SCN4A: variants seen among roughly 807,000 people sequenced by gnomAD.
SCN4A encodes the protein sodium voltage-gated channel alpha subunit 4, also known as sodium channel protein type 4 subunit alpha.
Under a neutral mutation model 162.0 loss-of-function variants are expected in SCN4A, and 83 were observed. The observed-to-expected ratio is 0.51, with a 90% CI of 0.43 to 0.61. The LOEUF (loss-of-function observed/expected upper bound fraction) is 0.61. SCN4A is among the 20% of genes least tolerant of loss of function. The pLI, the probability that SCN4A is intolerant of heterozygous loss-of-function variation, is 0.00. For synonymous variants in SCN4A, 944 were observed against 985.1 expected (o/e 0.96, Z 0.78); for missense variants, 2,196 against 2,462.5 (o/e 0.89, Z 2.29).
At chr17:63,968,482 T>C (rs902637311) in intron 5 of SCN4A, 127 bp from the exon 6 acceptor site, 15 of 700,506 alleles carry the variant, frequency 2.1e-5, no homozygotes, top group Non-Finnish European at 3.1e-5. Flanking sequence ...GCACCACTAC[T>C]TCCCCGAAGC....
At position 63,966,171 on chromosome 17, in the gene SCN4A, G is replaced by T; in HGVS notation, c.1173C>A (p.Thr391=). 1 of 1,596,928 alleles carries T rather than the reference G, an allele frequency of 6.3e-7. No homozygotes were observed. Among genetic ancestry groups the T allele is most frequent in the Non-Finnish European group, 8.5e-7 (1 of 1,171,794 alleles). ...NPNYGYTSYD[T]FSWAFLALFR... ...AGAGAGCCAAGAAGGCCCAGCTGAA[G>T]GTGTCATAGCTGGTGTAGCCATAGT... Residue 391 remains threonine, a synonymous_variant, in exon 8 of 24, where the codon ACC becomes ACA. Transcript: ENST00000435607.
chr17:63,949,016 C>T (rs1488821750), intron 15 of SCN4A, among the ~76,000 whole-genome samples: 1 of 152,196 alleles, frequency 6.6e-6, no homozygotes, highest in Admixed American at 6.5e-5. Context: ...GCCTCCTGGC[C>T]CCCAGCCCCA....
At chr17:63,955,495 G>A (rs988082364) in intron 13 of SCN4A, among the ~76,000 whole-genome samples, 3 of 152,152 alleles carry the variant, frequency 2.0e-5, no homozygotes, top group Non-Finnish European at 2.9e-5. Context: ...TTTCATCCCC[G>A]TTTTCCAGAT....
intron 12 of SCN4A, 38 bp downstream of exon 12, chr17:63,959,227 C>A: frequency 6.3e-7 from 1 of 1,579,392 alleles, no homozygotes; most frequent in Non-Finnish European, 8.6e-7. Flanking sequence ...CCTCACCCCA[C>A]CCCCATCCCA....
rs199651516 is a variant in SCN4A, at chr17:63,957,338, C to T, written c.2200G>A (p.Ala734Thr). The T allele has an allele frequency of 6.2e-7, 1 of 1,614,118 alleles. No individual in the cohort carries two copies. Among genetic ancestry groups the T allele is most frequent in the African/African-American group, 1.3e-5 (1 of 75,056 alleles). The change falls in exon 13 of 24, where the codon GCC (alanine) becomes ACC (threonine). Residue 734 changes from alanine to threonine, a missense_variant. Ala to Thr is a moderately conservative substitution (Grantham distance 58). Coordinates refer to ENST00000435607, the MANE Select transcript of SCN4A (RefSeq NM_000334.4). ...CAGCGCGGCAGGTTGCAGTCCAAGGCAATCTTGCACACGCACTCCTTGTAG... is the reference window on the plus strand; with the variant it reads ...CAGCGCGGCAGGTTGCAGTCCAAGGTAATCTTGCACACGCACTCCTTGTAG... The part of the protein sequence containing the change: ...KSYKECVCKI[A>T]LDCNLPRWHM...
chr17:63,941,613 G>C lies in SCN4A; in HGVS notation c.4669C>G (p.Leu1557Val). 6.2e-7 allele frequency: 1 copy of C among 1,614,092 alleles called. No homozygotes were observed. The highest frequency in any genetic ancestry group is 8.5e-7 in the Non-Finnish European group (1 of 1,179,982). The change falls in exon 24 of 24, where the codon CTG (leucine) becomes GTG (valine). Residue 1557 changes from leucine (L) to valine (V), a missense_variant. Leu to Val is a conservative substitution (Grantham distance 32). Coordinates refer to ENST00000435607, the MANE Select transcript of SCN4A (RefSeq NM_000334.4). The surrounding 1 kb of genome is among the most constrained non-coding windows in gnomAD (Gnocchi z 6.2). ...NSGPPDCDPN[L>V]ENPGTSVKGD... ...TTGACACTGGTGCCCGGGTTCTCCA[G>C]GTTGGGGTCACAGTCTGGGGGCCCG...
At position 63,945,718 on chromosome 17, in the gene SCN4A, C is replaced by G. The variant is rs886346146; in HGVS notation, c.3442-80G>C. ...CCACATCTCTACGCCACCCAGGGGACCAGGCAGAGCTGGGCATTGTCAATT... is the reference window on the plus strand; with the variant it reads ...CCACATCTCTACGCCACCCAGGGGAGCAGGCAGAGCTGGGCATTGTCAATT... On this transcript the variant is annotated intron_variant, in intron 18 of 23. Coordinates refer to ENST00000435607, the MANE Select transcript of SCN4A (RefSeq NM_000334.4). The surrounding 1 kb of genome is among the most constrained non-coding windows in gnomAD (Gnocchi z 4.4). 4 of 1,503,308 alleles carry G rather than the reference C, an allele frequency of 2.7e-6. No homozygotes were observed. The highest frequency in any genetic ancestry group is 3.7e-6 in the Non-Finnish European group (4 of 1,089,866). 93.1% of individuals were successfully genotyped at this position (1,503,308 alleles called of 1,614,324 possible). A position where few individuals can be genotyped will look rare whatever the true frequency, so the allele number is the denominator to read the frequency against.
Position 63,943,044 on chromosome 17 carries a change from A to T in SCN4A, c.4070T>A (p.Ile1357Asn). ...YDLVTKQAFDITIMILICLNM... is the reference protein window; with the variant it reads ...YDLVTKQAFDNTIMILICLNM... ...GAGGCAGATGAGGATCATGATGGTG[A>T]TGTCGAAGGCCTGCTTCGTCACGAG... Residue 1357 changes from isoleucine to asparagine, a missense_variant, in exon 23 of 24, where the codon ATC becomes AAC. By Grantham distance (149) the Ile-to-Asn change is moderately radical. Coordinates refer to ENST00000435607, the MANE Select transcript of SCN4A (RefSeq NM_000334.4). 1 of 1,613,858 alleles carries T rather than the reference A, an allele frequency of 6.2e-7. No individual in the cohort carries two copies. Among genetic ancestry groups the T allele is most frequent in the Non-Finnish European group, 8.5e-7 (1 of 1,179,808 alleles).
chr17:63,951,863 A>T lies in SCN4A; in HGVS notation c.2414T>A (p.Phe805Tyr). Residue 805 changes from phenylalanine (F) to tyrosine (Y), a missense_variant, in exon 14 of 24, where the codon TTC becomes TAC. Transcript: ENST00000435607. This position sits in a 1 kb window ranked among gnomAD's most constrained non-coding sequence, Gnocchi z 4.5. ...CGAGGCTGCCAGACTGTCGGCGCTG[A>T]AGGAGCTCAGCAGCAGAGCCAGGAA... ...NLFLALLLSS[F>Y]SADSLAASDE... The T allele has an allele frequency of 6.4e-7, 1 of 1,554,270 alleles. No homozygotes were observed.
chr17:63,961,444 T>C lies in SCN4A; in HGVS notation c.1607-13A>G. 4 of 1,585,262 alleles carry C rather than the reference T, an allele frequency of 2.5e-6. No homozygotes were observed. Among genetic ancestry groups the C allele is most frequent in the Non-Finnish European group, 3.5e-6 (4 of 1,154,292 alleles). ...GCCTCTTCCAGTTCTGGGAGAGGGG[T>C]GGTAGCAGGTATCTGGTGAGGATTA... On this transcript the variant is annotated splice_polypyrimidine_tract_variant and intron_variant, in intron 10 of 23. Coordinates refer to ENST00000435607, the MANE Select transcript of SCN4A (RefSeq NM_000334.4).
At chr17:63,947,740 G>T in intron 17 of SCN4A, 150 bp downstream of exon 17, 1 of 718,476 alleles carries the variant, frequency 1.4e-6, no homozygotes, top group Non-Finnish European at 2.2e-6. Context: ...TCCCTGGGCA[G>T]CTCTGTCTGA....
At position 63,944,401 on chromosome 17, in the gene SCN4A, G is replaced by T. The variant is rs532419870; in HGVS notation, c.3912+272C>A. Among the ~76,000 whole-genome samples, 2 of 152,056 alleles carry T rather than the reference G, an allele frequency of 1.3e-5. No individual in the cohort carries two copies. The highest frequency in any genetic ancestry group is 2.9e-5 in the Non-Finnish European group (2 of 68,018). ...GAACTCCTGACCTTGTGATCCGCCCGCCTCGGCCTCCCAAAGTGCTGGGAT... is the reference window on the plus strand; with the variant it reads ...GAACTCCTGACCTTGTGATCCGCCCTCCTCGGCCTCCCAAAGTGCTGGGAT... On this transcript the variant is annotated intron_variant, in intron 21 of 23. Coordinates refer to ENST00000435607, the MANE Select transcript of SCN4A (RefSeq NM_000334.4). The surrounding 1 kb of genome is among the most constrained non-coding windows in gnomAD (Gnocchi z 4.3).
At chr17:63,966,388 G>T in intron 7 of SCN4A, 93 bp downstream of exon 7, 1 of 1,410,532 alleles carries the variant, frequency 7.1e-7, no homozygotes, top group Non-Finnish European at 1.0e-6. Context: ...AGGTTTCCCT[G>T]CACTCCCATG....
At chr17:63,967,620 A>T (rs776396173) in intron 6 of SCN4A, among the ~76,000 whole-genome samples, 1 of 152,028 alleles carries the variant, frequency 6.6e-6, no homozygotes, top group Non-Finnish European at 1.5e-5. Context: ...GGTCCTCGCC[A>T]TACTATTTGT....
At chr17:63,954,378 G>T (rs373508082) in intron 13 of SCN4A, among the ~76,000 whole-genome samples, 1 of 152,082 alleles carries the variant, frequency 6.6e-6, no homozygotes, top group Non-Finnish European at 1.5e-5. Context: ...TCCCTCTCTG[G>T]GGGGAGGCAT....
Position 63,945,450 on chromosome 17 carries a change from C to G in SCN4A, c.3630G>C (p.Glu1210Asp). The G allele has an allele frequency of 6.2e-7, 1 of 1,613,950 alleles. No individual in the cohort carries two copies. The highest frequency in any genetic ancestry group is 8.5e-7 in the Non-Finnish European group (1 of 1,179,850). Reference sequence around the variant, plus strand: ...GGACCTGGCCTGTGTGCATGAGGCTCTCGCACTCAGACTTGTTGTTGACCT... The same window carrying G: ...GGACCTGGCCTGTGTGCATGAGGCTGTCGCACTCAGACTTGTTGTTGACCT... The part of the protein sequence containing the change: ...ISEVNNKSEC[E>D]SLMHTGQVRW... Residue 1210 changes from glutamate (E) to aspartate (D), a missense_variant, in exon 19 of 24, where the codon GAG becomes GAC. Coordinates refer to ENST00000435607, the MANE Select transcript of SCN4A (RefSeq NM_000334.4). This position sits in a 1 kb window ranked among gnomAD's most constrained non-coding sequence, Gnocchi z 4.4.
chr17:63,960,078 C>T (rs562273283), intron 11 of SCN4A, among the ~76,000 whole-genome samples: 3 of 152,354 alleles, frequency 2.0e-5, no homozygotes, highest in African/African-American at 7.2e-5. Flanking sequence ...CAACCCTGGA[C>T]ATGGGATCTG....
chr17:63,949,316 G>T, intron 15 of SCN4A, 77 bp downstream of exon 15: 1 of 1,442,748 alleles, frequency 6.9e-7, no homozygotes, highest in Non-Finnish European at 9.2e-7. Context: ...GTGTGCTTTT[G>T]GTCCTGGTGT....
rs115434818 is a variant in SCN4A at position 63,945,163 on chromosome 17, C to T, written c.3721-103G>A. 1,290 of 1,246,968 alleles carry T rather than the reference C, an allele frequency of 1.0e-3. 2 individuals are homozygous for T. Among genetic ancestry groups the T allele is most frequent in the African/African-American group, 1.9e-3 (130 of 67,762 alleles). 77.2% of individuals were successfully genotyped at this position (1,246,968 alleles called of 1,614,324 possible). A position where few individuals can be genotyped will look rare whatever the true frequency, so the allele number is the denominator to read the frequency against. ...AACCTGGTCCTCCCCTGCCAGAGGC[C>T]GCCTGCCAGAGCCCCACTGGGCTAG... is the stretch of plus-strand genomic sequence containing the variant. On this transcript the variant is annotated intron_variant, in intron 19 of 23. Coordinates refer to ENST00000435607, the MANE Select transcript of SCN4A (RefSeq NM_000334.4). The surrounding 1 kb of genome is among the most constrained non-coding windows in gnomAD (Gnocchi z 4.4).
Sources: allele counts gnomAD v4.1 joint callset (sites outside exome capture counted in the v4.1 genomes callset), GRCh38; gene constraint gnomAD v4.1.1; non-coding constraint Gnocchi (gnomAD v3.1); transcripts MANE v1.5; gene names NCBI Gene and HGNC (gene_info 2026-07-23, HGNC 2026-07-21).